The following CMIP variants were observed in gnomAD, a reference collection of about 807,000 sequenced individuals.
CMIP encodes C-Maf-inducing protein.
A neutral mutation model predicts 97.3 loss-of-function variants in CMIP; 13 were observed. The ratio of observed to expected loss-of-function variants is 0.13; its 90% CI spans 0.09 to 0.21. The LOEUF (loss-of-function observed/expected upper bound fraction) is 0.21. Ranked by LOEUF, CMIP falls within the 10% of genes least tolerant of loss-of-function variation. CMIP has a pLI of 1.00. For synonymous variants in CMIP, 538 were observed against 436.3 expected (o/e 1.23, Z -2.91); for missense variants, 847 against 1,024.9 (o/e 0.83, Z 2.37).
At chr16:81,609,048 G>A (rs552549694) in intron 2 of CMIP, among the ~76,000 whole-genome samples, 29 of 152,138 alleles carry the variant, frequency 1.9e-4, no homozygotes, top group Non-Finnish European at 4.0e-4. Context: ...GAAATGTCCT[G>A]TTTCTTACTG....
intron 1 of CMIP, among the ~76,000 whole-genome samples, chr16:81,482,879 T>C (rs2089248478): frequency 6.6e-6 from 1 of 152,206 alleles, no homozygotes; most frequent in Admixed American, 6.5e-5. Flanking sequence ...AGGCAGGTCA[T>C]GGGACGCTGT....
chr16:81,583,269 C>T (rs960423310), intron 1 of CMIP, among the ~76,000 whole-genome samples: 4 of 152,200 alleles, frequency 2.6e-5, no homozygotes, highest in African/African-American at 9.6e-5. Context: ...CATGTCTGTG[C>T]GAATGTCCCC....
chr16:81,579,527 G>A (rs2091259525), intron 1 of CMIP, among the ~76,000 whole-genome samples: 1 of 152,170 alleles, frequency 6.6e-6, no homozygotes, highest in Non-Finnish European at 1.5e-5. Flanking sequence ...TTTCTTGGTT[G>A]TCTCACTGGG....
chr16:81,679,226 G>A (rs1904615554), intron 10 of CMIP, among the ~76,000 whole-genome samples: 1 of 151,774 alleles, frequency 6.6e-6, no homozygotes, highest in African/African-American at 2.4e-5. Context: ...GATGGGTGTG[G>A]GCATGCCTGT....
intron 1 of CMIP, among the ~76,000 whole-genome samples, chr16:81,513,651 G>T (rs907694532): frequency 1.3e-5 from 2 of 152,208 alleles, no homozygotes; most frequent in African/African-American, 4.8e-5. Flanking sequence ...GTGCAGACCC[G>T]TGGGTCTAGG....
chr16:81,664,135 G>A (rs985230606), intron 6 of CMIP, 134 bp from the exon 7 acceptor site: 23 of 682,716 alleles, frequency 3.4e-5, no homozygotes, highest in Non-Finnish European at 5.0e-5. Flanking sequence ...TTTTTAGAAA[G>A]CAGTGCAGCC....
At chr16:81,690,068 G>T (rs1258675211) in intron 10 of CMIP, among the ~76,000 whole-genome samples, 4 of 152,104 alleles carry the variant, frequency 2.6e-5, no homozygotes, top group African/African-American at 7.2e-5. Flanking sequence ...CCTTGTAGTA[G>T]AGTTTGAAGT....
intron 3 of CMIP, among the ~76,000 whole-genome samples, chr16:81,639,549 G>A (rs776475419): frequency 2.0e-5 from 3 of 152,188 alleles, no homozygotes; most frequent in Non-Finnish European, 2.9e-5. Flanking sequence ...TGTCCCCAAG[G>A]TTCATTCATA....
intron 3 of CMIP, among the ~76,000 whole-genome samples, chr16:81,650,562 A>T (rs140645851): frequency 6.6e-6 from 1 of 152,186 alleles, no homozygotes; most frequent in East Asian, 1.9e-4. Context: ...CAGAGGCCCC[A>T]GAAAATCATG....
intron 1 of CMIP, among the ~76,000 whole-genome samples, chr16:81,473,594 CTTAAATAT>C (rs1047005778): frequency 2.0e-5 from 3 of 149,926 alleles, no homozygotes; most frequent in African/African-American, 7.4e-5. Context: ...CGGGGGTTGA[CTTAAATAT>C]TTATTTCCCA....
intron 4 of CMIP, among the ~76,000 whole-genome samples, chr16:81,653,316 G>A (rs1229535621): frequency 6.6e-6 from 1 of 152,108 alleles, no homozygotes; most frequent in Non-Finnish European, 1.5e-5. Context: ...CCCTTTCTCT[G>A]CAGGCCCACA....
chr16:81,536,189 A>G (rs777980437), intron 1 of CMIP, among the ~76,000 whole-genome samples: 2 of 152,212 alleles, frequency 1.3e-5, no homozygotes, highest in African/African-American at 2.4e-5. Flanking sequence ...TTTCACGAGG[A>G]GAGGCTTGTT....
At chr16:81,580,374 C>T (rs1051372396) in intron 1 of CMIP, among the ~76,000 whole-genome samples, 1 of 152,152 alleles carries the variant, frequency 6.6e-6, no homozygotes, top group African/African-American at 2.4e-5. Flanking sequence ...AAATTCACCT[C>T]ATATGAAATT....
intron 1 of CMIP, among the ~76,000 whole-genome samples, chr16:81,477,153 G>A (rs994939733): frequency 6.6e-6 from 1 of 151,952 alleles, no homozygotes; most frequent in African/African-American, 2.4e-5. Context: ...TGGAAATGTC[G>A]GCCCTGAACT....
chr16:81,634,470 A>G (rs549466965), intron 3 of CMIP, among the ~76,000 whole-genome samples: 6 of 152,298 alleles, frequency 3.9e-5, no homozygotes, highest in East Asian at 1.9e-4. Flanking sequence ...AAACGTGTCC[A>G]TAGCTTTCGG....
intron 2 of CMIP, 43 bp from the exon 3 acceptor site, chr16:81,620,833 A>C: frequency 6.2e-7 from 1 of 1,612,082 alleles, no homozygotes; most frequent in Non-Finnish European, 8.5e-7. Context: ...GAGATGCCGC[A>C]AGCTGATGAC....
At chr16:81,672,457 G>A (rs931291155) in intron 9 of CMIP, among the ~76,000 whole-genome samples, 6 of 152,244 alleles carry the variant, frequency 3.9e-5, no homozygotes, top group Non-Finnish European at 8.8e-5. Flanking sequence ...GTGTACGTGT[G>A]TGCACATGGA....
At chr16:81,520,959 C>T (rs2090013933) in intron 1 of CMIP, among the ~76,000 whole-genome samples, 1 of 152,146 alleles carries the variant, frequency 6.6e-6, no homozygotes, top group South Asian at 2.1e-4. Flanking sequence ...GGTTTCGCAT[C>T]CTCTTTAAAT....
chr16:81,536,048 A>G (rs1212670495), intron 1 of CMIP, among the ~76,000 whole-genome samples: 6 of 152,188 alleles, frequency 3.9e-5, no homozygotes, highest in Non-Finnish European at 8.8e-5. Flanking sequence ...CCCTGTTTGC[A>G]GTGTAAACTC....
Sources: allele counts gnomAD v4.1 joint callset (sites outside exome capture counted in the v4.1 genomes callset), GRCh38; gene constraint gnomAD v4.1.1; transcripts MANE v1.5; gene names NCBI Gene and HGNC (gene_info 2026-07-23, HGNC 2026-07-21).